Variants in DCLK2 observed in about 807,000 individuals in gnomAD.
DCLK2 encodes doublecortin like kinase 2.
DCLK2 carries 31 observed loss-of-function variants against 78.4 expected under a neutral mutation model. That is an observed-to-expected ratio of 0.40 (90% CI 0.30 to 0.53). The LOEUF is 0.53. Among genes scored for constraint, DCLK2 ranks in the 20% least tolerant of loss-of-function variants. The pLI, the probability that DCLK2 is intolerant of heterozygous loss-of-function variation, is 0.61. For missense variants in DCLK2, 872 were observed against 973.7 expected (o/e 0.90, Z 1.39); for synonymous variants, 407 against 374.9 (o/e 1.09, Z -0.99).
chr4:150,250,020 T>G (rs1743641398), intron 15 of DCLK2, among the ~76,000 whole-genome samples: 1 of 152,148 alleles, frequency 6.6e-6, no homozygotes, highest in African/African-American at 2.4e-5. Flanking sequence ...GTGTTAGGAA[T>G]TAACTCCCTG....
At chr4:150,161,970 A>G (rs555898477) in intron 2 of DCLK2, among the ~76,000 whole-genome samples, 52 of 152,274 alleles carry the variant, frequency 3.4e-4, no homozygotes, top group African/African-American at 1.2e-3. Context: ...CAGCAGAGTC[A>G]TGAACATTTC....
chr4:150,208,959 G>A (rs1740083964), intron 5 of DCLK2, among the ~76,000 whole-genome samples: 3 of 152,214 alleles, frequency 2.0e-5, no homozygotes, highest in Non-Finnish European at 4.4e-5. Flanking sequence ...AAGGATGTGG[G>A]ATGATGTTCT....
chr4:150,248,413 G>GC (rs761718652), intron 14 of DCLK2, 28 bp downstream of exon 14: 1 of 1,585,550 alleles, frequency 6.3e-7, no homozygotes, highest in East Asian at 2.2e-5. Flanking sequence ...CAGGGAATGG[G>GC]CCTCACTGTG....
At chr4:150,097,713 C>T (rs1488675907) in intron 1 of DCLK2, among the ~76,000 whole-genome samples, 1 of 152,184 alleles carries the variant, frequency 6.6e-6, no homozygotes, top group Admixed American at 6.5e-5. Flanking sequence ...CTTTCTGTTC[C>T]ATTACCATGC....
chr4:150,150,184 A>C (rs1227934834), intron 2 of DCLK2, among the ~76,000 whole-genome samples: 1 of 152,240 alleles, frequency 6.6e-6, no homozygotes, highest in African/African-American at 2.4e-5. Context: ...GCCATTTCAG[A>C]AAGGTCAAGA....
chr4:150,239,688 C>T, intron 10 of DCLK2, 54 bp from the exon 11 acceptor site: 6 of 1,600,542 alleles, frequency 3.7e-6, no homozygotes, highest in Non-Finnish European at 1.7e-6. Context: ...AGAGCCCTCT[C>T]ACAATTGTTG....
intron 13 of DCLK2, among the ~76,000 whole-genome samples, 160 bp downstream of exon 13, chr4:150,247,859 T>A: frequency 6.6e-6 from 1 of 152,240 alleles, no homozygotes; most frequent in East Asian, 1.9e-4. Context: ...TCTCTGAAGT[T>A]CTTGGCCAAA....
At chr4:150,251,798 T>C (rs1324873410) in intron 15 of DCLK2, among the ~76,000 whole-genome samples, 1 of 144,610 alleles carries the variant, frequency 6.9e-6, no homozygotes, top group African/African-American at 2.6e-5. Flanking sequence ...CACTCTGTTA[T>C]ATGGATTGAG....
chr4:150,204,796 G>A (rs1435628265), intron 5 of DCLK2, among the ~76,000 whole-genome samples: 1 of 151,994 alleles, frequency 6.6e-6, no homozygotes, highest in Non-Finnish European at 1.5e-5. Context: ...GTGGGCTGAG[G>A]TGGGAGAATC....
chr4:150,127,243 G>T (rs1732983918), intron 2 of DCLK2, among the ~76,000 whole-genome samples: 1 of 152,118 alleles, frequency 6.6e-6, no homozygotes, highest in African/African-American at 2.4e-5. Context: ...GCAATACCTT[G>T]TTTCTCATCA....
At chr4:150,231,661 A>G (rs1560892677) in intron 8 of DCLK2, among the ~76,000 whole-genome samples, 1 of 152,222 alleles carries the variant, frequency 6.6e-6, no homozygotes, top group East Asian at 1.9e-4. Flanking sequence ...ACTCACCAGG[A>G]TTGATAATCA....
intron 8 of DCLK2, among the ~76,000 whole-genome samples, chr4:150,226,618 A>C (rs1741638412): frequency 6.6e-6 from 1 of 152,172 alleles, no homozygotes; most frequent in Non-Finnish European, 1.5e-5. Context: ...AGGTCTTTGT[A>C]TGCAAAAAAT....
At chr4:150,191,387 T>C (rs114438649) in intron 2 of DCLK2, among the ~76,000 whole-genome samples, 1,922 of 152,064 alleles carry the variant, frequency 0.013, 44 homozygotes, top group African/African-American at 0.044. Flanking sequence ...TGGTGGAAGA[T>C]AGGTTAGCAA....
chr4:150,229,339 C>G (rs1741864415), intron 8 of DCLK2, among the ~76,000 whole-genome samples: 1 of 152,062 alleles, frequency 6.6e-6, no homozygotes, highest in African/African-American at 2.4e-5. Flanking sequence ...AAAAAGAAAA[C>G]TACCTGTGCA....
At chr4:150,215,934 G>A (rs1351253220) in intron 5 of DCLK2, among the ~76,000 whole-genome samples, 4 of 152,180 alleles carry the variant, frequency 2.6e-5, no homozygotes, top group African/African-American at 9.7e-5. Flanking sequence ...GTTTTCTGAG[G>A]CCTAAAGCAT....
intron 1 of DCLK2, among the ~76,000 whole-genome samples, chr4:150,080,548 A>ATGT: frequency 6.6e-6 from 1 of 152,348 alleles, no homozygotes; most frequent in Middle Eastern, 3.4e-3. Context: ...CATTCCATGT[A>ATGT]GTCATAGCAA....
intron 4 of DCLK2, 41 bp from the exon 5 acceptor site, chr4:150,203,754 T>C (rs1739629361): frequency 2.0e-6 from 3 of 1,536,358 alleles, no homozygotes; most frequent in Admixed American, 3.3e-5. Context: ...TTGTTGTGGG[T>C]TTTAATGGGA....
intron 10 of DCLK2, among the ~76,000 whole-genome samples, chr4:150,238,542 G>A (rs915807061): frequency 3.9e-5 from 6 of 152,132 alleles, no homozygotes; most frequent in East Asian, 1.9e-4. Context: ...AAATAGTCAC[G>A]TCTCCACCAG....
intron 2 of DCLK2, among the ~76,000 whole-genome samples, chr4:150,191,798 A>G (rs1424944851): frequency 6.6e-6 from 1 of 152,174 alleles, no homozygotes; most frequent in African/African-American, 2.4e-5. Flanking sequence ...ATATGACCTG[A>G]GCCATCTACA....
Sources: gnomAD v4.1 joint callset for allele counts (sites outside exome capture counted in the v4.1 genomes callset) on GRCh38, gnomAD v4.1.1 for gene constraint, MANE v1.5 for transcripts, NCBI Gene and HGNC (gene_info 2026-07-23, HGNC 2026-07-21) for gene names.